DNAH17: variants seen among roughly 807,000 people sequenced by gnomAD.
The protein encoded by DNAH17 is dynein axonemal heavy chain 17, also known as axonemal beta dynein heavy chain 17.
A neutral mutation model predicts 485.6 loss-of-function variants in DNAH17; 376 were observed. That is an observed-to-expected ratio of 0.77 (90% confidence interval 0.71 to 0.84). The LOEUF (loss-of-function observed/expected upper bound fraction) is 0.84, where lower values mean the gene tolerates loss of function less well. DNAH17 is among the 40% of genes least tolerant of loss of function. The pLI is 0.00. For missense variants in DNAH17, 6,370 were observed against 5,839.3 expected (o/e 1.09, Z -2.96); for synonymous variants, 3,031 against 2,405.9 (o/e 1.26, Z -7.60).
chr17:78,537,391 C>A lies in DNAH17; in HGVS notation c.2767G>T (p.Gly923Cys). Residue 923 changes from glycine to cysteine, a missense_variant, in exon 19 of 81, where the codon GGC (glycine) becomes TGC (cysteine). Coordinates refer to ENST00000389840, the MANE Select transcript of DNAH17 (RefSeq NM_173628.4). ...AGGCCCTCGATCAGTGCCAGGAAGC[C>A]GCGATCTGAGCCCACCTCCAGGGTC... The part of the protein sequence containing the change: ...NPTLEVGSDR[G>C]FLALIEGLVN... 6.2e-7 allele frequency: 1 copy of A among 1,612,990 alleles called. No individual in the cohort carries two copies. Among genetic ancestry groups the A allele is most frequent in the Non-Finnish European group, 8.5e-7 (1 of 1,179,716 alleles).
chr17:78,519,363 A>C (rs1870371820), intron 25 of DNAH17, among the ~76,000 whole-genome samples: 1 of 152,180 alleles, frequency 6.6e-6, no homozygotes, highest in Non-Finnish European at 1.5e-5. Context: ...AAAAGGTCTC[A>C]AATCAATAAT....
chr17:78,570,878 AG>A lies in DNAH17; in HGVS notation c.918+69del, dbSNP rs869199392. The A allele has an allele frequency of 3.5e-3, 2,557 of 731,794 alleles. 3 individuals carry two copies. Among genetic ancestry groups the A allele is most frequent in the Admixed American group, 6.0e-3 (142 of 23,572 alleles). The allele number at this position is 731,794 out of a possible 1,614,324, so 45.3% of individuals were successfully genotyped here. A position where few individuals can be genotyped will look rare whatever the true frequency, so the allele number is the denominator to read the frequency against. On this transcript the variant is annotated intron_variant, in intron 6 of 80. Transcript: ENST00000389840. ...TCTCAAAAAAAAAAAAAAAAAAAAA[AG>A]AAAAAAGAAAAGAAAAGAAAAGAAA...
intron 73 of DNAH17, among the ~76,000 whole-genome samples, chr17:78,438,438 A>AGGAGGAGGAGGAGGGAGGAGGAGGAGGAG (rs2086932448): frequency 2.7e-5 from 2 of 75,038 alleles, no homozygotes; most frequent in Non-Finnish European, 5.0e-5. Flanking sequence ...GAGGAGGAGG[A>AGGAGGAGGAGGAGGGAGGAGGAGGAGGAG]GGAGGAGGGA....
intron 17 of DNAH17, among the ~76,000 whole-genome samples, chr17:78,543,342 T>C (rs1331053981): frequency 2.7e-5 from 4 of 150,402 alleles, no homozygotes; most frequent in East Asian, 3.9e-4. Flanking sequence ...GGACTGCGGA[T>C]TGCAGTGGCG....
In DNAH17 at chr17:78,526,633, A is replaced by G. The variant is rs891363382; in HGVS notation, c.3711+18T>C. On this transcript the variant is annotated intron_variant, in intron 24 of 80. Coordinates refer to ENST00000389840, the MANE Select transcript of DNAH17 (RefSeq NM_173628.4). ...GTTCCCAGACTTACCCCCTGATCTC[A>G]CCCTTGAGCAAAAATACCTTATTCA... 1 of 1,580,808 alleles carries G rather than the reference A, an allele frequency of 6.3e-7. No individual in the cohort carries two copies. The highest frequency in any genetic ancestry group is 8.6e-7 in the Non-Finnish European group (1 of 1,160,134).
Position 78,485,976 on chromosome 17 carries a change from G to T in DNAH17, c.7259C>A (p.Pro2420His). Residue 2420 changes from proline (P) to histidine (H), a missense_variant, in exon 46 of 81, where the codon CCC (proline) becomes CAC (histidine). Coordinates refer to ENST00000389840, the MANE Select transcript of DNAH17 (RefSeq NM_173628.4). ...TDKVPSFELDPDVPLQASLVH... is the reference protein window; with the variant it reads ...TDKVPSFELDHDVPLQASLVH... ...GACAGTTACCTGCAGTGGGACATCG[G>T]GATCCAGCTCAAAGGAGGGCACTTT... 1.9e-6 allele frequency: 3 copies of T among 1,612,534 alleles called. No homozygotes were observed. The highest frequency in any genetic ancestry group is 1.1e-5 in the South Asian group (1 of 90,928).
intron 52 of DNAH17, 48 bp downstream of exon 52, chr17:78,476,524 C>G (rs914174733): frequency 6.4e-7 from 1 of 1,569,670 alleles, no homozygotes; most frequent in Non-Finnish European, 8.6e-7. Context: ...ACTCCACCCT[C>G]CTGGAGCCAT....
intron 54 of DNAH17, among the ~76,000 whole-genome samples, chr17:78,471,823 T>C (rs957866055): frequency 2.6e-5 from 4 of 152,122 alleles, no homozygotes; most frequent in Non-Finnish European, 4.4e-5. Context: ...CCCGTCCTCT[T>C]ATGCTGCTGA....
Position 78,428,322 on chromosome 17 carries a change from C to T in DNAH17, c.12588+203G>A, listed in dbSNP as rs1203301550. On this transcript the variant is annotated intron_variant, in intron 77 of 80. Coordinates refer to ENST00000389840, the MANE Select transcript of DNAH17 (RefSeq NM_173628.4). ...TTTTGTCTGGGCCCGTACGCTCACC[C>T]GAAGCCTGCAGCTGCCACGTCTGAG... The T allele has an allele frequency of 6.3e-5, 41 of 655,044 alleles. No homozygotes were observed. In the Admixed American group the frequency reaches 6.5e-4, roughly 10 times the overall value. The allele number at this position is 655,044 out of a possible 1,614,324, so 40.6% of individuals were successfully genotyped here.
At chr17:78,435,001 G>T (rs902298412) in intron 74 of DNAH17, among the ~76,000 whole-genome samples, 1 of 152,188 alleles carries the variant, frequency 6.6e-6, no homozygotes, top group African/African-American at 2.4e-5. Context: ...GCCCTGTCCT[G>T]GGCATCATGG....
intron 25 of DNAH17, 54 bp from the exon 26 acceptor site, chr17:78,515,076 A>T: frequency 6.2e-7 from 1 of 1,600,156 alleles, no homozygotes; most frequent in Non-Finnish European, 8.5e-7. Flanking sequence ...AGAATTCAGG[A>T]AGAAAACCCT....
chr17:78,460,311 G>T (rs988095564), intron 58 of DNAH17, 54 bp from the exon 59 acceptor site: 1 of 1,248,800 alleles, frequency 8.0e-7, no homozygotes, highest in Non-Finnish European at 1.1e-6. Flanking sequence ...TGTGCCTGTG[G>T]GGGCGTGTAC....
chr17:78,572,883 A>C lies in DNAH17; in HGVS notation c.357T>G (p.Ser119=). The C allele has an allele frequency of 6.2e-7, 1 of 1,613,640 alleles. No homozygotes were observed. Among genetic ancestry groups the C allele is most frequent in the Non-Finnish European group, 8.5e-7 (1 of 1,179,764 alleles). The change falls in exon 3 of 81, where the codon TCT becomes TCG. Residue 119 remains serine (S), a synonymous_variant. Coordinates refer to ENST00000389840, the MANE Select transcript of DNAH17 (RefSeq NM_173628.4). ...LIAVVEEVLS[S]LLNQSENMAG... is the part of the protein sequence containing the mutation. Reference sequence around the variant, plus strand: ...CCATGTTCTCACTTTGGTTTAACAGAGAAGAGAGGACCTAAAAGGAAACAC... The same window carrying C: ...CCATGTTCTCACTTTGGTTTAACAGCGAAGAGAGGACCTAAAAGGAAACAC...
chr17:78,523,650 AATACC>A (rs1476604544), intron 25 of DNAH17, among the ~76,000 whole-genome samples: 1 of 152,278 alleles, frequency 6.6e-6, no homozygotes, highest in Non-Finnish European at 1.5e-5. Context: ...TGATGCCTGT[AATACC>A]AGCACTTTAG....
chr17:78,427,258 G>A, intron 77 of DNAH17, 150 bp from the exon 78 acceptor site: 2 of 718,556 alleles, frequency 2.8e-6, no homozygotes, highest in Non-Finnish European at 4.6e-6. Context: ...CAGGGTCATG[G>A]GTGCAGCCAC....
chr17:78,456,303 CA>C (rs2087797874), intron 62 of DNAH17, among the ~76,000 whole-genome samples: 1 of 151,966 alleles, frequency 6.6e-6, no homozygotes, highest in South Asian at 2.1e-4. Context: ...CATCTCAAAA[CA>C]AAAACAAAAA....
chr17:78,466,847 A>C (rs768537665), intron 55 of DNAH17, 31 bp from the exon 56 acceptor site: 2 of 1,529,460 alleles, frequency 1.3e-6, no homozygotes, highest in Non-Finnish European at 1.8e-6. Flanking sequence ...TGCGCTGCCT[A>C]CTGGGACTGC....
chr17:78,560,111 C>T (rs1033873161), intron 13 of DNAH17, among the ~76,000 whole-genome samples: 1 of 152,166 alleles, frequency 6.6e-6, no homozygotes, highest in Non-Finnish European at 1.5e-5. Flanking sequence ...ATCCTCCCCG[C>T]CCTCCTGCCT....
chr17:78,492,782 T>C lies in DNAH17; in HGVS notation c.6409-17A>G, dbSNP rs766122070. ...TTTGAGGACCTGGCGAAGGTGGGGG[T>C]CACTCACGTGTGACTCCATGTTCCT... On this transcript the variant is annotated splice_polypyrimidine_tract_variant and intron_variant, in intron 41 of 80. Coordinates refer to ENST00000389840, the MANE Select transcript of DNAH17 (RefSeq NM_173628.4). The C allele has an allele frequency of 2.5e-6, 4 of 1,608,296 alleles. No homozygotes were observed. Among genetic ancestry groups the C allele is most frequent in the Non-Finnish European group, 3.4e-6 (4 of 1,177,288 alleles).
Sources: allele counts gnomAD v4.1 joint callset (sites outside exome capture counted in the v4.1 genomes callset), GRCh38; gene constraint gnomAD v4.1.1; transcripts MANE v1.5; gene names NCBI Gene and HGNC (gene_info 2026-07-23, HGNC 2026-07-21).